Variants in MYO1E observed in about 807,000 individuals in gnomAD.
MYO1E encodes myosin IE.
MYO1E carries 68 observed loss-of-function variants against 151.1 expected under a neutral mutation model. The ratio of observed to expected loss-of-function variants is 0.45; its 90% CI spans 0.37 to 0.55. MYO1E has a LOEUF of 0.55. Among genes scored for constraint, MYO1E ranks in the 20% least tolerant of loss-of-function variants. The pLI is 0.00. For synonymous variants in MYO1E, 601 were observed against 501.7 expected (o/e 1.20, Z -2.64); for missense variants, 1,363 against 1,389.3 (o/e 0.98, Z 0.30).
chr15:59,351,841 A>G (rs564713713), intron 1 of MYO1E, among the ~76,000 whole-genome samples: 76 of 152,330 alleles, frequency 5.0e-4, no homozygotes, highest in African/African-American at 1.7e-3. Context: ...AAAACCAGGT[A>G]GGAGTAAAAG....
intron 7 of MYO1E, among the ~76,000 whole-genome samples, chr15:59,226,515 C>T (rs1218840645): frequency 6.6e-6 from 1 of 152,064 alleles, no homozygotes; most frequent in Non-Finnish European, 1.5e-5. Flanking sequence ...TACAAAAGTA[C>T]CTGAATCAGG....
chr15:59,234,591 G>T (rs1432430074), intron 5 of MYO1E, among the ~76,000 whole-genome samples: 1 of 152,134 alleles, frequency 6.6e-6, no homozygotes, highest in Non-Finnish European at 1.5e-5. Context: ...AGGCCCAGGT[G>T]GGTGGATCGC....
intron 1 of MYO1E, among the ~76,000 whole-genome samples, chr15:59,273,698 T>C (rs1460670055): frequency 7.0e-6 from 1 of 142,640 alleles, no homozygotes; most frequent in Non-Finnish European, 1.5e-5. Flanking sequence ...TTCATTATAA[T>C]CTACACTTAT....
intron 1 of MYO1E, among the ~76,000 whole-genome samples, chr15:59,361,317 T>C (rs542783582): frequency 1.8e-4 from 27 of 152,324 alleles, no homozygotes; most frequent in South Asian, 4.1e-4. Flanking sequence ...GTTTGGGTGA[T>C]TGGTCACACC....
rs117301421 is a variant in MYO1E, at chr15:59,142,584, C to T, written c.3081-4217G>A. 7.7e-3 allele frequency among the ~76,000 whole-genome samples: 1,179 copies of T among 152,216 alleles called. 13 individuals carry two copies. The highest frequency in any genetic ancestry group is 0.032 in the South Asian group (156 of 4,814). ...CATGCTAGCTCAGCTGTTATTAGTT[C>T]GCCCCATCCTCAACCTGAAAATCTT... On this transcript the variant is annotated intron_variant, in intron 26 of 27. Coordinates refer to ENST00000288235, the MANE Select transcript of MYO1E (RefSeq NM_004998.4).
At chr15:59,314,533 A>C (rs1180395760) in intron 1 of MYO1E, among the ~76,000 whole-genome samples, 1 of 152,172 alleles carries the variant, frequency 6.6e-6, no homozygotes, top group Non-Finnish European at 1.5e-5. Flanking sequence ...CCCAAGCCAG[A>C]CCAAGTGATC....
At position 59,155,252 on chromosome 15, in the gene MYO1E, A is replaced by G. The variant is rs551538628; in HGVS notation, c.2879-1461T>C. On this transcript the variant is annotated intron_variant, in intron 25 of 27. Transcript: ENST00000288235. ...AGAAATGAAGAGTAAGCATTTAGAA[A>G]CGTTCATGGCAGTTTGACAGATCTA... Among the ~76,000 whole-genome samples the G allele has an allele frequency of 1.1e-3, 167 of 152,320 alleles. 1 individual carries two copies. Among genetic ancestry groups the G allele is most frequent in the African/African-American group, 3.9e-3 (161 of 41,576 alleles).
chr15:59,183,059 T>C (rs1395202652), intron 18 of MYO1E, among the ~76,000 whole-genome samples: 5 of 152,186 alleles, frequency 3.3e-5, no homozygotes, highest in Non-Finnish European at 7.4e-5. Flanking sequence ...CAGGCGGTAA[T>C]GCTCGCTGGC....
intron 4 of MYO1E, among the ~76,000 whole-genome samples, chr15:59,244,747 G>T (rs541363187): frequency 1.3e-5 from 2 of 152,292 alleles, no homozygotes; most frequent in South Asian, 4.1e-4. Context: ...TCAGTTTCTT[G>T]ATCTGCAAAA....
At chr15:59,201,294 A>G (rs1240727618) in intron 16 of MYO1E, among the ~76,000 whole-genome samples, 1 of 151,060 alleles carries the variant, frequency 6.6e-6, no homozygotes, top group Non-Finnish European at 1.5e-5. Context: ...GGTTCTCATT[A>G]TATCGCACAG....
chr15:59,296,782 A>G (rs1596405168), intron 1 of MYO1E, among the ~76,000 whole-genome samples: 1 of 150,052 alleles, frequency 6.7e-6, no homozygotes. Context: ...TAAACCATCT[A>G]TTTTTAAATT....
intron 1 of MYO1E, among the ~76,000 whole-genome samples, chr15:59,275,211 T>C (rs1385518587): frequency 1.3e-5 from 2 of 152,232 alleles, no homozygotes; most frequent in East Asian, 3.8e-4. Context: ...CCGTTAAGTT[T>C]AACATGACAA....
At chr15:59,274,944 A>G (rs1299705490) in intron 1 of MYO1E, among the ~76,000 whole-genome samples, 1 of 152,208 alleles carries the variant, frequency 6.6e-6, no homozygotes, top group Non-Finnish European at 1.5e-5. Flanking sequence ...TGCTGTCTAT[A>G]TAACAAGGTG....
chr15:59,214,488 ACT>A, intron 11 of MYO1E, 150 bp downstream of exon 11: 1 of 965,174 alleles, frequency 1.0e-6, no homozygotes, highest in African/African-American at 1.6e-5. Flanking sequence ...CACATGAAGA[ACT>A]CACAAAGGCA....
At chr15:59,320,026 C>T (rs1051750495) in intron 1 of MYO1E, among the ~76,000 whole-genome samples, 11 of 152,152 alleles carry the variant, frequency 7.2e-5, no homozygotes, top group Admixed American at 2.0e-4. Context: ...TTTCTATACA[C>T]CAATGACATT....
intron 1 of MYO1E, among the ~76,000 whole-genome samples, chr15:59,290,861 G>T (rs1199424600): frequency 1.3e-5 from 2 of 152,198 alleles, no homozygotes; most frequent in Admixed American, 1.3e-4. Context: ...TGACAGGAAT[G>T]AGAGTCAAAG....
intron 22 of MYO1E, among the ~76,000 whole-genome samples, chr15:59,168,431 A>T (rs1383634340): frequency 6.6e-6 from 1 of 152,016 alleles, no homozygotes; most frequent in Non-Finnish European, 1.5e-5. Context: ...CTGTAGTCTC[A>T]GATACTTAGG....
chr15:59,257,521 CGTACTTAATCCATCTTTGGATTAAT>C lies in MYO1E; in HGVS notation c.238-1168_238-1144del, dbSNP rs2080200606. On this transcript the variant is annotated intron_variant, in intron 3 of 27. Coordinates refer to ENST00000288235, the MANE Select transcript of MYO1E (RefSeq NM_004998.4). ...AGTGATATACAAAGGTGAAGCTTAA[CGTACTTAATCCATCTTTGGATTAAT>C]TTACTTAATCCATTTCATTGTGCAG... is the stretch of plus-strand genomic sequence containing the variant. Among the ~76,000 whole-genome samples, 3 of 152,204 alleles carry C rather than the reference CGTACTTAATCCATCTTTGGATTAAT, an allele frequency of 2.0e-5. No individual in the cohort carries two copies. The South Asian group carries it at 6.2e-4, about 31-fold the overall frequency.
intron 1 of MYO1E, among the ~76,000 whole-genome samples, chr15:59,300,866 CTTTTTTT>C (rs58955743): frequency 3.1e-5 from 4 of 127,122 alleles, no homozygotes; most frequent in African/African-American, 1.2e-4. Context: ...CCTTTTTTTT[CTTTTTTT>C]TTTTTTTTTT....
Sources: allele counts gnomAD v4.1 joint callset (sites outside exome capture counted in the v4.1 genomes callset), GRCh38; gene constraint gnomAD v4.1.1; transcripts MANE v1.5; gene names NCBI Gene and HGNC (gene_info 2026-07-23, HGNC 2026-07-21).